The following IRAG1 variants were observed in gnomAD, a reference collection of about 807,000 sequenced individuals.
IRAG1 encodes the protein inositol 1,4,5-triphosphate receptor associated 1.
Under a neutral mutation model 106.2 loss-of-function variants are expected in IRAG1, and 62 were observed. The ratio of observed to expected loss-of-function variants is 0.58; its 90% CI spans 0.48 to 0.72. The LOEUF (loss-of-function observed/expected upper bound fraction) is 0.72. Ranked by LOEUF, IRAG1 falls within the 30% of genes least tolerant of loss-of-function variation. The pLI is 0.00. For missense variants in IRAG1, 1,064 were observed against 1,140.7 expected (o/e 0.93, Z 0.97); for synonymous variants, 462 against 443.9 (o/e 1.04, Z -0.51).
intron 14 of IRAG1, among the ~76,000 whole-genome samples, chr11:10,602,091 C>T (rs1259657379): frequency 6.6e-6 from 1 of 152,230 alleles, no homozygotes; most frequent in Non-Finnish European, 1.5e-5. Context: ...GTGGCTGAGA[C>T]CAGCTACTTC....
Position 10,617,202 on chromosome 11 carries a change from A to T in IRAG1, c.1447+6576T>A, listed in dbSNP as rs187326223. 3.0e-6 allele frequency: 3 copies of T among 985,360 alleles called. No homozygotes were observed. The African/African-American group carries it at 5.2e-5, about 17-fold the overall frequency. 61.0% of individuals were successfully genotyped at this position (985,360 alleles called of 1,614,324 possible). On this transcript the variant is annotated intron_variant, in intron 10 of 20. Coordinates refer to ENST00000423302, the MANE Select transcript of IRAG1 (RefSeq NM_130385.4). ...AGCCAACTACCTTCTAGACGTTGCC[A>T]CCTGGTTAAGGAGAATAAAAATCAT...
At chr11:10,656,269 AG>A (rs1200253335) in intron 1 of IRAG1, among the ~76,000 whole-genome samples, 1 of 152,212 alleles carries the variant, frequency 6.6e-6, no homozygotes. Context: ...TGGTTCGGAA[AG>A]GGTTAGGTAG....
chr11:10,693,677 C>T lies in IRAG1; in HGVS notation c.-75G>A. On this transcript the variant is annotated 5_prime_UTR_variant, in exon 1 of 21. Coordinates refer to ENST00000423302, the MANE Select transcript of IRAG1 (RefSeq NM_130385.4). The stretch of plus-strand genomic sequence containing the variant: ...TGGCTGCAGAACCTCGGCCGCACGC[C>T]TCCTCTGAGAGGGGCTGGGACTTAG... 1 of 1,494,296 alleles carries T rather than the reference C, an allele frequency of 6.7e-7. No individual in the cohort carries two copies. Among genetic ancestry groups the T allele is most frequent in the Non-Finnish European group, 9.0e-7 (1 of 1,112,018 alleles). The allele number at this position is 1,494,296 out of a possible 1,614,324, so 92.6% of individuals were successfully genotyped here. A position where few individuals can be genotyped will look rare whatever the true frequency, so the allele number is the denominator to read the frequency against.
intron 15 of IRAG1, among the ~76,000 whole-genome samples, chr11:10,598,110 G>C (rs948470841): frequency 1.3e-5 from 2 of 152,124 alleles, no homozygotes; most frequent in African/African-American, 2.4e-5. Flanking sequence ...TATAGTCCTT[G>C]GACGCCCTTA....
intron 17 of IRAG1, among the ~76,000 whole-genome samples, chr11:10,592,725 C>G (rs1564895299): frequency 6.6e-6 from 1 of 152,000 alleles, no homozygotes; most frequent in Non-Finnish European, 1.5e-5. Context: ...TGATTATTAC[C>G]AATACATTCT....
chr11:10,605,550 G>A (rs759160494), intron 12 of IRAG1, among the ~76,000 whole-genome samples: 3 of 152,208 alleles, frequency 2.0e-5, no homozygotes, highest in Non-Finnish European at 4.4e-5. Context: ...CTGTTTATGG[G>A]TAAAGAGGCC....
intron 8 of IRAG1, 32 bp from the exon 9 acceptor site, chr11:10,626,615 G>A (rs760153725): frequency 1.5e-5 from 24 of 1,557,096 alleles, no homozygotes; most frequent in African/African-American, 8.2e-5. Flanking sequence ...TGGAACCCTC[G>A]GGGGCAGGTT....
chr11:10,606,759 T>G lies in IRAG1; in HGVS notation c.1585A>C (p.Thr529Pro). Residue 529 changes from threonine to proline, a missense_variant, in exon 12 of 21, where the codon ACT (threonine) becomes CCT (proline). Thr to Pro is a conservative substitution (Grantham distance 38, BLOSUM62 -1). Transcript: ENST00000423302. ...TCACTTACCTCAACTTCCTTTTCAG[T>G]GAGTGGAGGGGCACTGTGAAAAAGA... ...RSLPGSAPPLTEKEVENVFVQ... is the reference protein window; with the variant it reads ...RSLPGSAPPLPEKEVENVFVQ... 6.3e-7 allele frequency: 1 copy of G among 1,593,862 alleles called. No homozygotes were observed. Among genetic ancestry groups the G allele is most frequent in the South Asian group, 1.1e-5 (1 of 87,538 alleles).
Position 10,575,867 on chromosome 11 carries a change from G to C in IRAG1, c.*465C>G, listed in dbSNP as rs1850787507. 6.3e-6 allele frequency: 1 copy of C among 157,662 alleles called. No homozygotes were observed. Among genetic ancestry groups the C allele is most frequent in the African/African-American group, 2.4e-5 (1 of 41,432 alleles). 9.8% of individuals were successfully genotyped at this position (157,662 alleles called of 1,614,324 possible). ...TGGGAAATGGGAAGATAGTCACTTT[G>C]CAACTCCAAATTCCAGGTCTGATGC... On this transcript the variant is annotated 3_prime_UTR_variant, in exon 21 of 21. Transcript: ENST00000423302.
chr11:10,598,775 T>A (rs1853612212), intron 15 of IRAG1, among the ~76,000 whole-genome samples: 1 of 152,192 alleles, frequency 6.6e-6, no homozygotes, highest in Non-Finnish European at 1.5e-5. Flanking sequence ...AAATCTACAC[T>A]AAGGAAATAA....
intron 10 of IRAG1, chr11:10,617,230 C>A (rs1468655840): frequency 1.0e-6 from 1 of 979,532 alleles, no homozygotes; most frequent in Non-Finnish European, 1.2e-6. Context: ...AAAATCATTT[C>A]AAGAGCCACC....
At chr11:10,667,777 T>C (rs946292673) in intron 1 of IRAG1, among the ~76,000 whole-genome samples, 1 of 152,178 alleles carries the variant, frequency 6.6e-6, no homozygotes, top group Non-Finnish European at 1.5e-5. Context: ...AGGTGCTTGA[T>C]AAAATGAAGA....
At chr11:10,678,378 A>C (rs1860877170) in intron 1 of IRAG1, among the ~76,000 whole-genome samples, 1 of 152,172 alleles carries the variant, frequency 6.6e-6, no homozygotes, top group Non-Finnish European at 1.5e-5. Context: ...GGATGTTCCT[A>C]GTTTTTAATA....
chr11:10,600,638 C>A (rs1290508957), intron 15 of IRAG1, among the ~76,000 whole-genome samples: 1 of 152,212 alleles, frequency 6.6e-6, no homozygotes, highest in East Asian at 1.9e-4. Context: ...AGTCCAAGAG[C>A]TCTTGTAGCC....
At chr11:10,625,277 A>T (rs914050918) in intron 9 of IRAG1, among the ~76,000 whole-genome samples, 2 of 152,080 alleles carry the variant, frequency 1.3e-5, no homozygotes, top group Non-Finnish European at 2.9e-5. Context: ...CTTGGTTTAT[A>T]TTCCAAGTGG....
At chr11:10,685,101 C>G (rs1861566484) in intron 1 of IRAG1, among the ~76,000 whole-genome samples, 1 of 152,138 alleles carries the variant, frequency 6.6e-6, no homozygotes, top group South Asian at 2.1e-4. Context: ...GCATTTTGGT[C>G]ATTGGAAAGG....
chr11:10,631,920 G>A, intron 4 of IRAG1, 71 bp downstream of exon 4: 2 of 1,290,010 alleles, frequency 1.6e-6, no homozygotes, highest in Admixed American at 1.7e-5. Context: ...GAGAGAGGAA[G>A]GAGTCAAGCC....
intron 2 of IRAG1, among the ~76,000 whole-genome samples, chr11:10,634,728 C>CT (rs969866883): frequency 2.8e-5 from 4 of 143,864 alleles, no homozygotes. Context: ...AGATTTCCTT[C>CT]TTTTTTTAAG....
intron 10 of IRAG1, among the ~76,000 whole-genome samples, chr11:10,615,353 C>G (rs1855311193): frequency 6.6e-6 from 1 of 152,164 alleles, no homozygotes; most frequent in Non-Finnish European, 1.5e-5. Context: ...ACTGGTTCAA[C>G]CATTGTGGAA....
Sources: gnomAD v4.1 joint callset for allele counts (sites outside exome capture counted in the v4.1 genomes callset) on GRCh38, gnomAD v4.1.1 for gene constraint, MANE v1.5 for transcripts, NCBI Gene and HGNC (gene_info 2026-07-23, HGNC 2026-07-21) for gene names.